Variants in NAALADL2 observed in about 807,000 individuals in gnomAD.
The protein encoded by NAALADL2 is inactive N-acetylated-alpha-linked acidic dipeptidase-like protein 2.
A neutral mutation model predicts 87.2 loss-of-function variants in NAALADL2; 76 were observed. That is an observed-to-expected ratio of 0.87 (90% CI 0.72 to 1.05). The LOEUF is 1.05. NAALADL2 is among the 50% of genes least tolerant of loss of function. The pLI is 0.00. For missense variants in NAALADL2, 1,089 were observed against 945.8 expected, an observed-to-expected ratio of 1.15 and a Z score of -1.99; for synonymous variants, 354 against 331.0, an observed-to-expected ratio of 1.07 and a Z score of -0.75.
intron 2 of NAALADL2, among the ~76,000 whole-genome samples, chr3:174,560,870 C>T (rs1713519866): frequency 6.6e-6 from 1 of 152,134 alleles, no homozygotes; most frequent in Non-Finnish European, 1.5e-5. Flanking sequence ...TGACCCTGTG[C>T]AACCATCACT....
At chr3:175,724,903 A>C (rs1273203607) in intron 11 of NAALADL2, among the ~76,000 whole-genome samples, 1 of 152,006 alleles carries the variant, frequency 6.6e-6, no homozygotes, top group East Asian at 1.9e-4. Flanking sequence ...GGCACATATA[A>C]AAGGAAATAA....
chr3:175,809,280 T>C lies in NAALADL2; in HGVS notation c.*6077T>C, dbSNP rs527279038. 6.6e-6 allele frequency: 1 copy of C among 151,912 alleles called. No homozygotes were observed. The highest frequency in any genetic ancestry group is 6.6e-5 in the Admixed American group (1 of 15,206). 9.4% of individuals were successfully genotyped at this position (151,912 alleles called of 1,614,324 possible). Reference sequence around the variant, plus strand: ...CTCACATAATTATATTCCAAAGGTGTTATAAACAATTCTATTTAGCATCTG... The same window carrying C: ...CTCACATAATTATATTCCAAAGGTGCTATAAACAATTCTATTTAGCATCTG... On this transcript the variant is annotated 3_prime_UTR_variant, in exon 14 of 14. Transcript: ENST00000454872.
intron 3 of NAALADL2, among the ~76,000 whole-genome samples, chr3:174,752,076 C>T (rs187615961): frequency 2.6e-5 from 4 of 151,946 alleles, no homozygotes; most frequent in African/African-American, 9.7e-5. Flanking sequence ...CTCCCGGGTT[C>T]ACGCCATTCT....
At chr3:174,900,198 A>G (rs528269810) in intron 1 of NAALADL2, among the ~76,000 whole-genome samples, 1 of 152,250 alleles carries the variant, frequency 6.6e-6, no homozygotes, top group East Asian at 1.9e-4. Flanking sequence ...TTAGAATTTT[A>G]TAAACTATCA....
At chr3:174,880,955 G>A (rs28537470) in intron 1 of NAALADL2, among the ~76,000 whole-genome samples, 31,167 of 151,912 alleles carry the variant, frequency 0.21, 3,236 homozygotes, top group East Asian at 0.3. Context: ...TGAAGCTGAA[G>A]AACTCTAATA....
intron 11 of NAALADL2, among the ~76,000 whole-genome samples, chr3:175,706,289 C>T (rs761067813): frequency 4.6e-5 from 7 of 152,100 alleles, no homozygotes; most frequent in Non-Finnish European, 1.0e-4. Flanking sequence ...CTAATGAATG[C>T]CAGAAACCAT....
rs547340494 is a variant in NAALADL2 at position 175,175,876 on chromosome 3, T to C, written c.546-58055T>C. ...CAAAATTAGATGTAGCAGTGAATCATACAATATCTGCTTTATTTGTAATAC... is the reference window on the plus strand; with the variant it reads ...CAAAATTAGATGTAGCAGTGAATCACACAATATCTGCTTTATTTGTAATAC... On this transcript the variant is annotated intron_variant, in intron 2 of 13. Coordinates refer to ENST00000454872, the MANE Select transcript of NAALADL2 (RefSeq NM_207015.3). Among the ~76,000 whole-genome samples the C allele has an allele frequency of 3.3e-5, 5 of 152,284 alleles. No homozygotes were observed. In the South Asian group the frequency reaches 1.0e-3, roughly 32 times the overall value.
chr3:174,662,209 T>A (rs1045274590), intron 2 of NAALADL2, among the ~76,000 whole-genome samples: 1 of 152,250 alleles, frequency 6.6e-6, no homozygotes, highest in African/African-American at 2.4e-5. Flanking sequence ...AACATTGTTA[T>A]AAACTTTAGC....
At chr3:175,705,591 T>TA (rs1739578533) in intron 11 of NAALADL2, among the ~76,000 whole-genome samples, 1 of 152,020 alleles carries the variant, frequency 6.6e-6, no homozygotes, top group African/African-American at 2.4e-5. Flanking sequence ...GTGTCTTCTG[T>TA]GAGCTACAGA....
At chr3:174,986,903 G>A (rs1397549006) in intron 1 of NAALADL2, among the ~76,000 whole-genome samples, 1 of 152,100 alleles carries the variant, frequency 6.6e-6, no homozygotes, top group East Asian at 1.9e-4. Flanking sequence ...AGAGAGGGAT[G>A]ATTCATACAT....
At chr3:174,455,359 A>G (rs1715765246) in intron 1 of NAALADL2, among the ~76,000 whole-genome samples, 1 of 152,020 alleles carries the variant, frequency 6.6e-6, no homozygotes, top group African/African-American at 2.4e-5. Context: ...AAAAGGAGGG[A>G]CTCCTCTCTA....
At position 175,697,831 on chromosome 3, in the gene NAALADL2, GTGTATT is replaced by G. The variant is rs1454897683; in HGVS notation, c.1897-39473_1897-39468del. ...TATTTATGTATGTATACATATATATGTGTATTTATGTATACATATATATGTGTATAT... is the reference window on the plus strand; with the variant it reads ...TATTTATGTATGTATACATATATATGTATGTATACATATATATGTGTATAT... On this transcript the variant is annotated intron_variant, in intron 11 of 13. Coordinates refer to ENST00000454872, the MANE Select transcript of NAALADL2 (RefSeq NM_207015.3). Among the ~76,000 whole-genome samples, 72 of 98,012 alleles carry G rather than the reference GTGTATT, an allele frequency of 7.3e-4. 1 individual carries two copies. The highest frequency in any genetic ancestry group is 4.8e-3 in the South Asian group (15 of 3,150). The allele number at this position is 98,012 out of a possible 152,430, so 64.3% of individuals were successfully genotyped here.
At chr3:175,482,938 C>A (rs542787948) in intron 9 of NAALADL2, among the ~76,000 whole-genome samples, 4 of 151,976 alleles carry the variant, frequency 2.6e-5, no homozygotes, top group Admixed American at 6.6e-5. Context: ...TCTGCTCATT[C>A]CAACAACGTC....
intron 2 of NAALADL2, among the ~76,000 whole-genome samples, chr3:174,626,821 G>A (rs1263718918): frequency 1.3e-5 from 2 of 151,882 alleles, no homozygotes; most frequent in African/African-American, 2.4e-5. Flanking sequence ...GAACATTCAG[G>A]ATTCTTAATA....
At chr3:174,648,413 C>T (rs1351729070) in intron 2 of NAALADL2, among the ~76,000 whole-genome samples, 1 of 151,722 alleles carries the variant, frequency 6.6e-6, no homozygotes, top group South Asian at 2.1e-4. Flanking sequence ...GTGTTTGATA[C>T]TATTGGCAGT....
intron 1 of NAALADL2, among the ~76,000 whole-genome samples, chr3:174,485,095 C>A (rs897147018): frequency 2.6e-5 from 4 of 151,844 alleles, no homozygotes; most frequent in African/African-American, 9.7e-5. Flanking sequence ...CTTCCATAGC[C>A]ACAGGTTCTG....
chr3:175,107,293 A>G (rs537755855), intron 2 of NAALADL2, among the ~76,000 whole-genome samples: 21 of 152,086 alleles, frequency 1.4e-4, no homozygotes, highest in Middle Eastern at 3.4e-3. Flanking sequence ...GGCTCATCCA[A>G]TCCATTGCAA....
At chr3:175,719,708 T>C (rs982104176) in intron 11 of NAALADL2, among the ~76,000 whole-genome samples, 8 of 152,176 alleles carry the variant, frequency 5.3e-5, no homozygotes, top group African/African-American at 1.9e-4. Context: ...CCAGTCTCAC[T>C]TGGAAATATA....
intron 2 of NAALADL2, among the ~76,000 whole-genome samples, chr3:174,562,694 C>G (rs79163576): frequency 6.6e-6 from 1 of 151,812 alleles, no homozygotes; most frequent in Non-Finnish European, 1.5e-5. Context: ...ACTGGAACTA[C>G]GCAAGGAGAA....
Sources: gnomAD v4.1 joint callset for allele counts (sites outside exome capture counted in the v4.1 genomes callset) on GRCh38, gnomAD v4.1.1 for gene constraint, MANE v1.5 for transcripts, NCBI Gene and HGNC (gene_info 2026-07-23, HGNC 2026-07-21) for gene names.